ARHGEF7: variants seen among roughly 807,000 people sequenced by gnomAD.
ARHGEF7 encodes the protein PAK-interacting exchange factor beta.
Under a neutral mutation model 109.8 loss-of-function variants are expected in ARHGEF7, and 33 were observed. The observed-to-expected ratio is 0.30, with a 90% CI of 0.23 to 0.40. The LOEUF (loss-of-function observed/expected upper bound fraction) is 0.40, where lower values mean the gene tolerates loss of function less well. Among genes scored for constraint, ARHGEF7 ranks in the 10% least tolerant of loss-of-function variants. ARHGEF7 has a pLI of 1.00. For synonymous variants in ARHGEF7, 458 were observed against 424.6 expected, an observed-to-expected ratio of 1.08 and a Z score of -0.97; for missense variants, 938 against 1,098.5, an observed-to-expected ratio of 0.85 and a Z score of 2.07.
At chr13:111,201,108 C>G (rs955898993) in intron 2 of ARHGEF7, among the ~76,000 whole-genome samples, 1 of 152,192 alleles carries the variant, frequency 6.6e-6, no homozygotes. Flanking sequence ...TTGGCTCCTT[C>G]CAGTCTCTCC....
intron 6 of ARHGEF7, among the ~76,000 whole-genome samples, chr13:111,236,016 A>G (rs925701867): frequency 6.6e-6 from 1 of 152,252 alleles, no homozygotes; most frequent in African/African-American, 2.4e-5. Context: ...AGAGACAATG[A>G]GACAGGTATG....
At chr13:111,130,173 T>C (rs1014422370) in intron 1 of ARHGEF7, among the ~76,000 whole-genome samples, 3 of 152,208 alleles carry the variant, frequency 2.0e-5, no homozygotes, top group African/African-American at 7.2e-5. Flanking sequence ...AAATCAGTGC[T>C]CGCTTGGGGA....
intron 2 of ARHGEF7, chr13:111,186,699 G>A (rs1161913041): frequency 2.1e-6 from 1 of 482,212 alleles, no homozygotes; most frequent in Non-Finnish European, 2.7e-6. Context: ...CTCCAGAGCT[G>A]TGCTAAAAAT....
intron 8 of ARHGEF7, among the ~76,000 whole-genome samples, chr13:111,260,987 A>G (rs2091030432): frequency 6.6e-6 from 1 of 152,220 alleles, no homozygotes; most frequent in Non-Finnish European, 1.5e-5. Context: ...AACATACAAT[A>G]GATCCATAAA....
intron 1 of ARHGEF7, 85 bp downstream of exon 1, chr13:111,115,776 C>A (rs2066694853): frequency 3.7e-6 from 3 of 821,236 alleles, no homozygotes; most frequent in South Asian, 1.1e-4. Flanking sequence ...TGAGGCCGGC[C>A]GCGCTCGGGA....
At chr13:111,230,658 G>A (rs1462597923) in intron 5 of ARHGEF7, among the ~76,000 whole-genome samples, 1 of 152,038 alleles carries the variant, frequency 6.6e-6, no homozygotes, top group Non-Finnish European at 1.5e-5. Flanking sequence ...ACCCACCTTG[G>A]GCGTTTGTGG....
At chr13:111,184,013 C>T (rs1418710252) in intron 2 of ARHGEF7, among the ~76,000 whole-genome samples, 1 of 152,004 alleles carries the variant, frequency 6.6e-6, no homozygotes, top group Non-Finnish European at 1.5e-5. Flanking sequence ...GACTCTGTCC[C>T]CACCCAAATC....
At position 111,186,855 on chromosome 13, in the gene ARHGEF7, A is replaced by G. The variant is rs974520787; in HGVS notation, c.253-18434A>G. ...CAGAGGCCTCTCCGTCAGTATTGAG[A>G]TGGTGGAAAGTGAGGAGAAGCAAAA... On this transcript the variant is annotated intron_variant, in intron 2 of 21. Transcript: ENST00000646102. 1.0e-5 allele frequency: 10 copies of G among 985,310 alleles called. No homozygotes were observed. The Admixed American group carries it at 5.5e-4, about 55-fold the overall frequency. The allele number at this position is 985,310 out of a possible 1,614,324, so 61.0% of individuals were successfully genotyped here. A position where few individuals can be genotyped will look rare whatever the true frequency, so the allele number is the denominator to read the frequency against.
rs1329505503 is a variant in ARHGEF7, at chr13:111,154,000, G to C, written c.252+9G>C. The C allele has an allele frequency of 6.3e-7, 1 of 1,594,594 alleles. No homozygotes were observed. The highest frequency in any genetic ancestry group is 2.3e-5 in the East Asian group (1 of 42,914). On this transcript the variant is annotated intron_variant, in intron 2 of 21. Coordinates refer to ENST00000646102, the MANE Select transcript of ARHGEF7 (RefSeq NM_001354046.2). Reference sequence around the variant, plus strand: ...CTTCCCTGCGGCTGGAGGTGAGCGCGGGCGGCCACGGGCCGAGGGAGGGGC... The same window carrying C: ...CTTCCCTGCGGCTGGAGGTGAGCGCCGGCGGCCACGGGCCGAGGGAGGGGC...
In ARHGEF7 at chr13:111,130,515, T is replaced by C. The variant is rs979113178; in HGVS notation, c.165+14824T>C. Reference sequence around the variant, plus strand: ...TGTGCAATGGTAAATTGTGTACTTATGTTTTATTAGGGGAAGTGATTTATT... The same window carrying C: ...TGTGCAATGGTAAATTGTGTACTTACGTTTTATTAGGGGAAGTGATTTATT... On this transcript the variant is annotated intron_variant, in intron 1 of 21. Coordinates refer to ENST00000646102, the MANE Select transcript of ARHGEF7 (RefSeq NM_001354046.2). Among the ~76,000 whole-genome samples the C allele has an allele frequency of 2.0e-5, 3 of 152,242 alleles. No homozygotes were observed. In the South Asian group the frequency reaches 6.2e-4, roughly 32 times the overall value.
chr13:111,263,871 C>G (rs533105000), intron 8 of ARHGEF7, among the ~76,000 whole-genome samples: 1 of 152,314 alleles, frequency 6.6e-6, no homozygotes, highest in East Asian at 1.9e-4. Flanking sequence ...ACATAATTGT[C>G]TTCAGTTTAC....
In ARHGEF7 at chr13:111,276,305, C is replaced by T. The variant is rs1017823317; in HGVS notation, c.1419+627C>T. Among the ~76,000 whole-genome samples, 8 of 152,084 alleles carry T rather than the reference C, an allele frequency of 5.3e-5. No homozygotes were observed. In the South Asian group the frequency reaches 6.2e-4, roughly 12 times the overall value. On this transcript the variant is annotated intron_variant, in intron 12 of 21. Coordinates refer to ENST00000646102, the MANE Select transcript of ARHGEF7 (RefSeq NM_001354046.2). The stretch of plus-strand genomic sequence containing the variant: ...GCAAAAATAACATGATCAAAACATG[C>T]GAAATGACTCATTTTTGAACACAAG...
At chr13:111,154,294 C>T (rs903961057) in intron 2 of ARHGEF7, among the ~76,000 whole-genome samples, 2 of 152,228 alleles carry the variant, frequency 1.3e-5, no homozygotes, top group Non-Finnish European at 1.5e-5. Flanking sequence ...CACACATTTT[C>T]AACAACCGTT....
chr13:111,198,402 G>A (rs758377271), intron 2 of ARHGEF7, among the ~76,000 whole-genome samples: 3 of 152,128 alleles, frequency 2.0e-5, no homozygotes, highest in South Asian at 2.1e-4. Context: ...GTGGACACTC[G>A]CGGTGAGTGT....
intron 19 of ARHGEF7, chr13:111,292,534 T>C (rs1595589561): frequency 2.8e-6 from 4 of 1,409,042 alleles, no homozygotes; most frequent in African/African-American, 1.4e-5. Flanking sequence ...AGGGAGGTGG[T>C]GTGTTCACGT....
intron 5 of ARHGEF7, among the ~76,000 whole-genome samples, chr13:111,219,664 T>C (rs1447787278): frequency 6.6e-6 from 1 of 152,020 alleles, no homozygotes; most frequent in Non-Finnish European, 1.5e-5. Context: ...TTTCTTAAAG[T>C]AATAGCCATC....
chr13:111,173,050 CA>C, intron 2 of ARHGEF7, among the ~76,000 whole-genome samples: 1 of 152,198 alleles, frequency 6.6e-6, no homozygotes, highest in East Asian at 1.9e-4. Flanking sequence ...CCACTTGTAT[CA>C]TTAATAAGTT....
At chr13:111,139,372 G>A (rs2153355121) in intron 1 of ARHGEF7, among the ~76,000 whole-genome samples, 1 of 152,082 alleles carries the variant, frequency 6.6e-6, no homozygotes, top group African/African-American at 2.4e-5. Flanking sequence ...TCCCCTTTTT[G>A]TCTCTCTGTA....
intron 19 of ARHGEF7, chr13:111,295,295 A>T: frequency 1.3e-6 from 1 of 744,872 alleles, no homozygotes; most frequent in Non-Finnish European, 1.6e-6. Flanking sequence ...TTCCAAAGGC[A>T]GGCAGGTGAT....
Sources: gnomAD v4.1 joint callset for allele counts (sites outside exome capture counted in the v4.1 genomes callset) on GRCh38, gnomAD v4.1.1 for gene constraint, MANE v1.5 for transcripts, NCBI Gene and HGNC (gene_info 2026-07-23, HGNC 2026-07-21) for gene names.